The following INTS1 variants were observed in gnomAD, a reference collection of about 807,000 sequenced individuals.
INTS1 encodes integrator complex subunit 1.
In INTS1, 137 loss-of-function variants were observed where a neutral mutation model predicts 241.6. The ratio of observed to expected loss-of-function variants is 0.57; its 90% CI spans 0.49 to 0.65. INTS1 has a LOEUF of 0.65. INTS1 is among the 30% of genes least tolerant of loss of function. The probability of loss-of-function intolerance (pLI) is 0.00; values close to 1 mark genes in which losing one functional copy is unlikely to be tolerated. For missense variants in INTS1, 3,073 were observed against 3,032.2 expected, an observed-to-expected ratio of 1.01 and a Z score of -0.32; for synonymous variants, 1,692 against 1,337.8, an observed-to-expected ratio of 1.26 and a Z score of -5.78.
rs1327678032 is a variant in INTS1 at position 1,493,852 on chromosome 7, A to G, written c.1970T>C (p.Leu657Pro). 1 of 1,568,626 alleles carries G rather than the reference A, an allele frequency of 6.4e-7. No homozygotes were observed. The highest frequency in any genetic ancestry group is 2.4e-5 in the East Asian group (1 of 41,948). The change falls in exon 15 of 48, where the codon CTG (leucine) becomes CCG (proline). Residue 657 changes from leucine to proline, a missense_variant. By Grantham distance (98) the Leu-to-Pro change is moderately conservative. Transcript: ENST00000404767. This position sits in a 1 kb window ranked among gnomAD's most constrained non-coding sequence, Gnocchi z 5.3. ...PILEDTLMRI[L>P]VIGLSRELPL... ...GAGCTCCCGGGACAGCCCGATGACC[A>G]GGATGCGCATCAGCGTGTCCTCCAA...
At chr7:1,489,465 C>T (rs969271420) in intron 17 of INTS1, 61 bp from the exon 18 acceptor site, 23 of 1,564,660 alleles carry the variant, frequency 1.5e-5, no homozygotes, top group Admixed American at 3.8e-5. Context: ...GTGTGACCCC[C>T]GCTTCTCCCA....
At chr7:1,476,115 G>A in intron 38 of INTS1, 44 bp from the exon 39 acceptor site, 1 of 1,528,796 alleles carries the variant, frequency 6.5e-7, no homozygotes, top group South Asian at 1.2e-5. Flanking sequence ...CGGGGCCCCA[G>A]TGACAGGGGT....
At chr7:1,495,624 T>C in intron 12 of INTS1, 71 bp from the exon 13 acceptor site, 1 of 1,539,314 alleles carries the variant, frequency 6.5e-7, no homozygotes. Context: ...CCCCTGGGGG[T>C]CCAACTCAAT....
chr7:1,495,674 T>G, intron 12 of INTS1, 121 bp from the exon 13 acceptor site: 1 of 1,261,134 alleles, frequency 7.9e-7, no homozygotes, highest in South Asian at 1.3e-5. Flanking sequence ...CACCCCCAGC[T>G]TCTGGACGAT....
At position 1,476,880 on chromosome 7, in the gene INTS1, G is replaced by A. The variant is rs762083309; in HGVS notation, c.4977C>T (p.Tyr1659=). The change falls in exon 36 of 48, where the codon TAC becomes TAT. Residue 1659 remains tyrosine, a synonymous_variant. Transcript: ENST00000404767. ...ACTGATGCGTGAAGAGGGTCAGGAG[G>A]TAGGGACGGAACGAGGGCACCTGGG... is the stretch of plus-strand genomic sequence containing the variant. ...GQAQVPSFRP[Y]LLTLFTHQSS... The A allele has an allele frequency of 5.0e-6, 8 of 1,612,568 alleles. No homozygotes were observed. Among genetic ancestry groups the A allele is most frequent in the East Asian group, 4.5e-5 (2 of 44,898 alleles).
chr7:1,501,139 GC>G (rs1165305966), intron 3 of INTS1: 174 of 152,184 alleles, frequency 1.1e-3, no homozygotes, highest in African/African-American at 4.0e-3. Context: ...ACACAAATTA[GC>G]CAGGCGTGGT....
In INTS1 at chr7:1,480,931, A is replaced by C. The variant is rs1489068982; in HGVS notation, c.3853T>G (p.Tyr1285Asp). Residue 1285 changes from tyrosine (Y) to aspartate (D), a missense_variant and splice_region_variant, in exon 29 of 48, where the codon TAC (tyrosine) becomes GAC (aspartate). Coordinates refer to ENST00000404767, the MANE Select transcript of INTS1 (RefSeq NM_001080453.3). ...TGGACCTCCACCAGGTGGGCCATGT[A>C]ATCTGCAAACCGTAGCAGGGTCACA... Reference protein sequence around the residue: ...TLEQNIMDKNYMAHLVEVQHE... With the variant: ...TLEQNIMDKNDMAHLVEVQHE... 1 of 1,575,670 alleles carries C rather than the reference A, an allele frequency of 6.3e-7. No individual in the cohort carries two copies. The highest frequency in any genetic ancestry group is 8.6e-7 in the Non-Finnish European group (1 of 1,161,806).
chr7:1,474,222 G>C lies in INTS1; in HGVS notation c.5775C>G (p.Ser1925Arg). 1 of 1,596,268 alleles carries C rather than the reference G, an allele frequency of 6.3e-7. No homozygotes were observed. The highest frequency in any genetic ancestry group is 1.3e-5 in the African/African-American group (1 of 74,726). Residue 1925 changes from serine (S) to arginine (R), a missense_variant, in exon 41 of 48, where the codon AGC (serine) becomes AGG (arginine). Transcript: ENST00000404767. Reference sequence around the variant, plus strand: ...AGTCCCACAGCGCCCCCTGGTGCTCGCTGCGGAACACGTGCGGCTGCAGCA... The same window carrying C: ...AGTCCCACAGCGCCCCCTGGTGCTCCCTGCGGAACACGTGCGGCTGCAGCA... ...LELLQPHVFRSEHQGALWDCL... is the reference protein window; with the variant it reads ...LELLQPHVFRREHQGALWDCL...
At chr7:1,474,664 T>C in intron 40 of INTS1, 41 bp downstream of exon 40, 1 of 1,539,052 alleles carries the variant, frequency 6.5e-7, no homozygotes, top group Non-Finnish European at 8.8e-7. Context: ...CCCCCCTGGT[T>C]AAACCAGTGT....
At chr7:1,489,021 C>A (rs1429797438) in intron 18 of INTS1, among the ~76,000 whole-genome samples, 2 of 152,188 alleles carry the variant, frequency 1.3e-5, no homozygotes, top group Non-Finnish European at 2.9e-5. Flanking sequence ...CCACGTCCTC[C>A]AGCATCGCAC....
intron 3 of INTS1, among the ~76,000 whole-genome samples, 190 bp from the exon 4 acceptor site, chr7:1,500,556 C>T (rs1397572251): frequency 6.6e-6 from 1 of 152,206 alleles, no homozygotes; most frequent in African/African-American, 2.4e-5. Context: ...ATACAACAGG[C>T]TGCCCCACAG....
chr7:1,482,253 A>C, intron 27 of INTS1: 2 of 292,562 alleles, frequency 6.8e-6, no homozygotes, highest in Non-Finnish European at 6.3e-6. Flanking sequence ...CCTCCTCTCC[A>C]ACCCCAGACC....
Position 1,472,347 on chromosome 7 carries a change from G to T in INTS1, c.6110C>A (p.Ser2037Tyr). ...GGCCGCGGTCAGAGGGGTGAACAGG[G>T]AGACGCTGACCAGGGGCAAGGAGCC... ...SAGSLPLVSV[S>Y]LFTPLTAAEM... Residue 2037 changes from serine to tyrosine, a missense_variant, in exon 44 of 48, where the codon TCC becomes TAC. Coordinates refer to ENST00000404767, the MANE Select transcript of INTS1 (RefSeq NM_001080453.3). 1 of 1,573,660 alleles carries T rather than the reference G, an allele frequency of 6.4e-7. No homozygotes were observed. The highest frequency in any genetic ancestry group is 8.6e-7 in the Non-Finnish European group (1 of 1,160,250).
chr7:1,476,877 G>C lies in INTS1; in HGVS notation c.4980C>G (p.Leu1660=), dbSNP rs768990745. The part of the protein sequence containing the change: ...QAQVPSFRPY[L]LTLFTHQSSW... ...TGGACTGATGCGTGAAGAGGGTCAG[G>C]AGGTAGGGACGGAACGAGGGCACCT... is the stretch of plus-strand genomic sequence containing the variant. Residue 1660 remains leucine, a synonymous_variant, in exon 36 of 48, where the codon CTC becomes CTG. Transcript: ENST00000404767. 2.5e-6 allele frequency: 4 copies of C among 1,612,762 alleles called. No individual in the cohort carries two copies. The Admixed American group carries it at 5.0e-5, about 20-fold the overall frequency.
intron 39 of INTS1, 65 bp downstream of exon 39, chr7:1,475,883 C>A (rs1437654681): frequency 1.3e-6 from 2 of 1,510,098 alleles, no homozygotes; most frequent in Non-Finnish European, 1.8e-6. Flanking sequence ...TGGCCTCCGC[C>A]CTCCCTCCCT....
chr7:1,486,705 G>C lies in INTS1; in HGVS notation c.2896C>G (p.Gln966Glu), dbSNP rs1323374231. 1 of 1,612,722 alleles carries C rather than the reference G, an allele frequency of 6.2e-7. No homozygotes were observed. Among genetic ancestry groups the C allele is most frequent in the Middle Eastern group, 1.7e-4 (1 of 6,058 alleles). ...DLLLGPKADEQTTCEVLDYFL... is the reference protein window; with the variant it reads ...DLLLGPKADEETTCEVLDYFL... ...TAGTCCAGCACCTCACACGTGGTCT[G>C]CTCATCAGCCTTCGGGCCCAGTAGC... is the stretch of plus-strand genomic sequence containing the variant. The change falls in exon 22 of 48, where the codon CAG becomes GAG. Residue 966 changes from glutamine to glutamate, a missense_variant. Coordinates refer to ENST00000404767, the MANE Select transcript of INTS1 (RefSeq NM_001080453.3).
chr7:1,475,778 G>A (rs9690656), intron 39 of INTS1, among the ~76,000 whole-genome samples, 170 bp downstream of exon 39: 2,091 of 152,344 alleles, frequency 0.014, 46 homozygotes, highest in African/African-American at 0.048. Context: ...AAGCTCCCTC[G>A]GTATAAAACT....
chr7:1,498,941 C>CGGG, intron 8 of INTS1, 34 bp downstream of exon 8: 4 of 1,344,076 alleles, frequency 3.0e-6, no homozygotes, highest in Non-Finnish European at 4.1e-6. Flanking sequence ...CCCCCACCCC[C>CGGG]TGCCCCGCCC....
At position 1,481,579 on chromosome 7, in the gene INTS1, T is replaced by C. The variant is rs1240705139; in HGVS notation, c.3704-91A>G. ...GAGACCTGGGGCTGCCTGTGTGCAG[T>C]GACCCCACCCACCTGAGACCCTGGG... On this transcript the variant is annotated intron_variant, in intron 27 of 47. Transcript: ENST00000404767. This position sits in a 1 kb window ranked among gnomAD's most constrained non-coding sequence, Gnocchi z 6.8. The C allele has an allele frequency of 2.9e-6, 4 of 1,366,250 alleles. No individual in the cohort carries two copies. The highest frequency in any genetic ancestry group is 3.2e-5 in the African/African-American group (2 of 62,428). The allele number at this position is 1,366,250 out of a possible 1,614,324, so 84.6% of individuals were successfully genotyped here.
Sources: allele counts gnomAD v4.1 joint callset (sites outside exome capture counted in the v4.1 genomes callset), GRCh38; gene constraint gnomAD v4.1.1; non-coding constraint Gnocchi (gnomAD v3.1); transcripts MANE v1.5; gene names NCBI Gene and HGNC (gene_info 2026-07-23, HGNC 2026-07-21).